Variants in DNM3 observed in about 807,000 individuals in gnomAD.
The protein encoded by DNM3 is dynamin-3.
Under a neutral mutation model 101.6 loss-of-function variants are expected in DNM3, and 47 were observed. The observed-to-expected ratio is 0.46, with a 90% CI of 0.37 to 0.59. The LOEUF is 0.59. Ranked by LOEUF, DNM3 falls within the 20% of genes least tolerant of loss-of-function variation. DNM3 has a pLI of 0.00. For missense variants in DNM3, 849 were observed against 1,085.7 expected, an observed-to-expected ratio of 0.78 and a Z score of 3.06; for synonymous variants, 385 against 387.9, an observed-to-expected ratio of 0.99 and a Z score of 0.09.
chr1:171,958,454 G>C (rs1216251072), intron 2 of DNM3, among the ~76,000 whole-genome samples: 1 of 152,218 alleles, frequency 6.6e-6, no homozygotes, highest in Admixed American at 6.5e-5. Flanking sequence ...GTTCCTGAAA[G>C]TGAGTTGGAA....
At chr1:171,959,451 A>G (rs1020219840) in intron 2 of DNM3, among the ~76,000 whole-genome samples, 1 of 152,178 alleles carries the variant, frequency 6.6e-6, no homozygotes, top group Non-Finnish European at 1.5e-5. Context: ...AACAATGATG[A>G]GCTAAGGTTC....
At chr1:172,210,769 C>T (rs2060486824) in intron 14 of DNM3, among the ~76,000 whole-genome samples, 1 of 151,996 alleles carries the variant, frequency 6.6e-6, no homozygotes, top group Admixed American at 6.6e-5. Flanking sequence ...AAGCAGATAA[C>T]ATATGTCTGT....
chr1:171,855,011 T>G (rs1441891010), intron 1 of DNM3, among the ~76,000 whole-genome samples: 2 of 152,156 alleles, frequency 1.3e-5, no homozygotes, highest in Non-Finnish European at 1.5e-5. Flanking sequence ...ATAGTTATTT[T>G]TTCTGATACT....
intron 4 of DNM3, among the ~76,000 whole-genome samples, chr1:172,009,589 T>C (rs1437674419): frequency 1.3e-5 from 2 of 151,834 alleles, no homozygotes; most frequent in African/African-American, 4.8e-5. Flanking sequence ...ATATGGTCAA[T>C]GTCTTGGAAA....
chr1:172,241,933 G>A (rs2061763941), intron 14 of DNM3, among the ~76,000 whole-genome samples: 1 of 152,162 alleles, frequency 6.6e-6, no homozygotes, highest in South Asian at 2.1e-4. Flanking sequence ...AACATTACAG[G>A]GCATTGGAAG....
chr1:172,129,014 TAAG>T (rs1338600650), intron 13 of DNM3, among the ~76,000 whole-genome samples: 2 of 152,036 alleles, frequency 1.3e-5, no homozygotes, highest in African/African-American at 4.8e-5. Context: ...AACGAGAAAA[TAAG>T]AAAGCTCAGA....
chr1:172,171,499 A>G (rs1184878243), intron 14 of DNM3, among the ~76,000 whole-genome samples: 1 of 151,758 alleles, frequency 6.6e-6, no homozygotes, highest in African/African-American at 2.4e-5. Context: ...GACTGCACCT[A>G]CCTATTTACT....
chr1:172,166,004 C>T (rs1572796408), intron 14 of DNM3, among the ~76,000 whole-genome samples: 1 of 151,950 alleles, frequency 6.6e-6, no homozygotes, highest in African/African-American at 2.4e-5. Flanking sequence ...CTTGTTTCCC[C>T]CTGGCCAGCT....
chr1:172,119,756 C>T (rs2056180463), intron 13 of DNM3, among the ~76,000 whole-genome samples: 1 of 152,178 alleles, frequency 6.6e-6, no homozygotes, highest in Non-Finnish European at 1.5e-5. Context: ...CTCCTCCACT[C>T]CCTAAACATA....
intron 17 of DNM3, among the ~76,000 whole-genome samples, chr1:172,346,903 C>A (rs2066967989): frequency 6.6e-6 from 1 of 152,142 alleles, no homozygotes; most frequent in Non-Finnish European, 1.5e-5. Flanking sequence ...CTAACAGGAG[C>A]CTGTCACACA....
chr1:172,346,635 T>A (rs1482422876), intron 17 of DNM3, among the ~76,000 whole-genome samples: 2 of 152,194 alleles, frequency 1.3e-5, no homozygotes, highest in Non-Finnish European at 2.9e-5. Flanking sequence ...TCAGACACCC[T>A]CATGGACATA....
At chr1:171,917,600 T>C (rs1307402225) in intron 1 of DNM3, among the ~76,000 whole-genome samples, 1 of 152,166 alleles carries the variant, frequency 6.6e-6, no homozygotes, top group Non-Finnish European at 1.5e-5. Flanking sequence ...TCATGTGGCA[T>C]CCAGAGGGAA....
At chr1:171,995,096 G>GTTTTT (rs35925537) in intron 4 of DNM3, among the ~76,000 whole-genome samples, 22 of 49,594 alleles carry the variant, frequency 4.4e-4, no homozygotes, top group South Asian at 1.4e-3. Flanking sequence ...TGAAATCCAG[G>GTTTTT]TTTTTTTTTT....
intron 1 of DNM3, among the ~76,000 whole-genome samples, chr1:171,900,791 T>C (rs1195042228): frequency 6.6e-6 from 1 of 152,132 alleles, no homozygotes; most frequent in African/African-American, 2.4e-5. Flanking sequence ...CTAATGCCGA[T>C]AAAATATGCA....
chr1:172,148,761 G>A (rs2148215620), intron 14 of DNM3, among the ~76,000 whole-genome samples: 1 of 152,008 alleles, frequency 6.6e-6, no homozygotes, highest in South Asian at 2.1e-4. Flanking sequence ...TTGGCTTTAT[G>A]TTGTGTAGAT....
chr1:171,873,138 CTTGAAG>C (rs2035449260), intron 1 of DNM3, among the ~76,000 whole-genome samples: 1 of 152,070 alleles, frequency 6.6e-6, no homozygotes, highest in African/African-American at 2.4e-5. Flanking sequence ...ATAAAGAGAT[CTTGAAG>C]GGAGCTTCAC....
At chr1:172,315,731 G>T (rs951930814) in intron 16 of DNM3, among the ~76,000 whole-genome samples, 3 of 152,150 alleles carry the variant, frequency 2.0e-5, no homozygotes, top group Admixed American at 2.0e-4. Flanking sequence ...AGAAATATGG[G>T]ACTATGTGAA....
chr1:172,339,806 A>G (rs564201791), intron 17 of DNM3, among the ~76,000 whole-genome samples: 1 of 152,332 alleles, frequency 6.6e-6, no homozygotes, highest in South Asian at 2.1e-4. Flanking sequence ...AGAATAAAAG[A>G]TTACTAAGTC....
intron 14 of DNM3, among the ~76,000 whole-genome samples, chr1:172,215,069 A>G (rs1011291879): frequency 6.6e-6 from 1 of 152,178 alleles, no homozygotes; most frequent in African/African-American, 2.4e-5. Flanking sequence ...ACAAATATCA[A>G]GTAAGCACAT....
Sources: gnomAD v4.1 joint callset for allele counts (sites outside exome capture counted in the v4.1 genomes callset) on GRCh38, gnomAD v4.1.1 for gene constraint, MANE v1.5 for transcripts, NCBI Gene and HGNC (gene_info 2026-07-23, HGNC 2026-07-21) for gene names.